Variants in MOK observed in about 807,000 individuals in gnomAD.
The protein encoded by MOK is MOK protein kinase.
Under a neutral mutation model 54.2 loss-of-function variants are expected in MOK, and 59 were observed. The ratio of observed to expected loss-of-function variants is 1.09; its 90% CI spans 0.88 to 1.35. The LOEUF is 1.35. Ranked by LOEUF, MOK falls within the 40% of genes most tolerant of loss-of-function variation. MOK has a pLI of 0.00. For synonymous variants in MOK, 210 were observed against 202.7 expected, an observed-to-expected ratio of 1.04 and a Z score of -0.31; for missense variants, 517 against 526.2, an observed-to-expected ratio of 0.98 and a Z score of 0.17.
chr14:102,247,875 C>G (rs1486678983), intron 7 of MOK, among the ~76,000 whole-genome samples: 1 of 152,246 alleles, frequency 6.6e-6, no homozygotes, highest in African/African-American at 2.4e-5. Context: ...CCTTTAGTAC[C>G]TGGTTTCCAT....
chr14:102,233,796 G>C lies in MOK; in HGVS notation c.591-7C>G, dbSNP rs368930737. 2 of 1,599,036 alleles carry C rather than the reference G, an allele frequency of 1.3e-6. No individual in the cohort carries two copies. Among genetic ancestry groups the C allele is most frequent in the Admixed American group, 3.3e-5 (2 of 59,986 alleles). On this transcript the variant is annotated splice_region_variant and splice_polypyrimidine_tract_variant and intron_variant, in intron 7 of 11. Transcript: ENST00000361847. ...AGGAAAGAGGGGCTGCAGACTGGAAGGGCAGAAGGGGCACTGTGGTCAGTG... is the reference window on the plus strand; with the variant it reads ...AGGAAAGAGGGGCTGCAGACTGGAACGGCAGAAGGGGCACTGTGGTCAGTG...
intron 4 of MOK, 79 bp downstream of exon 4, chr14:102,263,467 T>C (rs2067640054): frequency 2.0e-6 from 2 of 1,001,164 alleles, no homozygotes; most frequent in African/African-American, 3.3e-5. Flanking sequence ...TGACTAATGA[T>C]GTTGAGAATA....
chr14:102,232,874 T>C lies in MOK; in HGVS notation c.693-166A>G. 2 of 567,320 alleles carry C rather than the reference T, an allele frequency of 3.5e-6. No homozygotes were observed. Among genetic ancestry groups the C allele is most frequent in the East Asian group, 5.8e-5 (2 of 34,208 alleles). The allele number at this position is 567,320 out of a possible 1,614,324, so 35.1% of individuals were successfully genotyped here. A position where few individuals can be genotyped will look rare whatever the true frequency, so the allele number is the denominator to read the frequency against. On this transcript the variant is annotated intron_variant, in intron 8 of 11. Coordinates refer to ENST00000361847, the MANE Select transcript of MOK (RefSeq NM_014226.3). This position sits in a 1 kb window ranked among gnomAD's most constrained non-coding sequence, Gnocchi z 5.1. ...GCACCACCAAGAGGGACCCCTGATG[T>C]AAATGATGGGCTCTGTGTAGTAATG...
intron 1 of MOK, among the ~76,000 whole-genome samples, chr14:102,302,876 G>A (rs2072393722): frequency 6.6e-6 from 1 of 151,550 alleles, no homozygotes; most frequent in Non-Finnish European, 1.5e-5. Flanking sequence ...GAGTCTAAGA[G>A]GAAGGCCAGG....
downstream of MOK, among the ~76,000 whole-genome samples, chr14:102,223,917 G>A (rs1023041648): frequency 1.3e-4 from 20 of 151,890 alleles, no homozygotes; most frequent in African/African-American, 3.1e-4. Context: ...TCAGGATCAC[G>A]TTTCCATACA....
At chr14:102,251,868 G>T in intron 5 of MOK, 49 bp downstream of exon 5, 1 of 1,536,128 alleles carries the variant, frequency 6.5e-7, no homozygotes, top group Non-Finnish European at 9.0e-7. Context: ...GAATCTGAAT[G>T]TTAACACATT....
downstream of MOK, among the ~76,000 whole-genome samples, chr14:102,226,657 C>T (rs1242344056): frequency 2.6e-5 from 4 of 152,194 alleles, no homozygotes; most frequent in Non-Finnish European, 5.9e-5. This position sits in a 1 kb window ranked among gnomAD's most constrained non-coding sequence, Gnocchi z 4.8. Context: ...ACCCTGACGC[C>T]TCCTGCCAAG....
At chr14:102,215,366 C>G in the MOK span, among the ~76,000 whole-genome samples, 5 of 152,218 alleles carry the variant, frequency 3.3e-5, no homozygotes. Flanking sequence ...TACATGGACT[C>G]ACTATCCCGG....
chr14:102,222,813 G>T, downstream of MOK: 1 of 1,614,164 alleles, frequency 6.2e-7, no homozygotes, highest in East Asian at 2.2e-5. The surrounding 1 kb of genome is among the most constrained non-coding windows in gnomAD (Gnocchi z 4.4). Flanking sequence ...GATTAATGTA[G>T]ACTGCTTTGT....
At chr14:102,253,223 G>A (rs142409088) in intron 4 of MOK, among the ~76,000 whole-genome samples, 1 of 152,338 alleles carries the variant, frequency 6.6e-6, no homozygotes, top group Non-Finnish European at 1.5e-5. Context: ...ATGGGACCCA[G>A]AGAGTGTTAT....
intron 1 of MOK, among the ~76,000 whole-genome samples, chr14:102,294,764 G>A (rs2071250871): frequency 6.6e-6 from 1 of 152,122 alleles, no homozygotes. Context: ...AAATTAAGCA[G>A]ACTTGCTTTA....
At chr14:102,263,944 G>A in intron 3 of MOK, 1 of 213,152 alleles carries the variant, frequency 4.7e-6, no homozygotes. Flanking sequence ...GGCCAGGCGT[G>A]GTGGCTCACG....
At chr14:102,287,074 G>A (rs982591951) in intron 1 of MOK, among the ~76,000 whole-genome samples, 1 of 152,106 alleles carries the variant, frequency 6.6e-6, no homozygotes, top group Non-Finnish European at 1.5e-5. Context: ...GATTTTCACT[G>A]TTTTATTTCA....
chr14:102,226,139 T>G, downstream of MOK: 1 of 590,222 alleles, frequency 1.7e-6, no homozygotes. This position sits in a 1 kb window ranked among gnomAD's most constrained non-coding sequence, Gnocchi z 4.8. Context: ...GAGTGCCAGA[T>G]GGAAATGGCT....
chr14:102,228,540 A>G (rs894654848), downstream of MOK, among the ~76,000 whole-genome samples: 5 of 152,064 alleles, frequency 3.3e-5, no homozygotes, highest in African/African-American at 9.7e-5. Flanking sequence ...TCTACTAAAA[A>G]TACAAAAAAA....
chr14:102,243,402 C>T (rs147653422), intron 7 of MOK, among the ~76,000 whole-genome samples: 28 of 152,230 alleles, frequency 1.8e-4, no homozygotes, highest in African/African-American at 6.5e-4. Flanking sequence ...ACACAAGAGC[C>T]GGGACCGTGC....
the MOK span, among the ~76,000 whole-genome samples, chr14:102,217,901 C>T: frequency 6.6e-6 from 1 of 152,214 alleles, no homozygotes; most frequent in African/African-American, 2.4e-5. Context: ...CGTGTTCTCC[C>T]CAGGGTGAGA....
rs1405300978 is a variant in MOK at position 102,252,001 on chromosome 14, C to A, written c.284-6G>T. 2 of 1,535,998 alleles carry A rather than the reference C, an allele frequency of 1.3e-6. No homozygotes were observed. Among genetic ancestry groups the A allele is most frequent in the East Asian group, 4.5e-5 (2 of 44,350 alleles). The stretch of plus-strand genomic sequence containing the variant: ...TGATAATGGGTATCTTCTCCCTGTA[C>A]AATCAAGGAAATAGGCAAATACGGT... On this transcript the variant is annotated splice_region_variant and splice_polypyrimidine_tract_variant and intron_variant, in intron 4 of 11. Coordinates refer to ENST00000361847, the MANE Select transcript of MOK (RefSeq NM_014226.3).
At chr14:102,270,059 G>C (rs2068229896) in intron 2 of MOK, among the ~76,000 whole-genome samples, 1 of 152,162 alleles carries the variant, frequency 6.6e-6, no homozygotes, top group African/African-American at 2.4e-5. Flanking sequence ...TTTCAAGACT[G>C]AAAACTTTAC....
Sources: gnomAD v4.1 joint callset for allele counts (sites outside exome capture counted in the v4.1 genomes callset) on GRCh38, gnomAD v4.1.1 for gene constraint, Gnocchi (gnomAD v3.1) non-coding constraint, MANE v1.5 for transcripts, NCBI Gene and HGNC (gene_info 2026-07-23, HGNC 2026-07-21) for gene names.